Variants in PTTG1IP2 observed in about 807,000 individuals in gnomAD.
PTTG1IP2 encodes PTTG1IP family member 2.
At chr7:90,472,174 G>T (rs773844152) in intron 1 of PTTG1IP2, among the ~76,000 whole-genome samples, 20 of 151,982 alleles carry the variant, frequency 1.3e-4, no homozygotes, top group Admixed American at 3.3e-4. Context: ...CAAATGGAAG[G>T]TCTGAACAGA....
At chr7:90,507,060 G>C (rs1798132288) in intron 6 of PTTG1IP2, among the ~76,000 whole-genome samples, 1 of 152,116 alleles carries the variant, frequency 6.6e-6, no homozygotes, top group African/African-American at 2.4e-5. Context: ...TCAATATCAA[G>C]ATCACTTTGA....
chr7:90,474,082 A>G (rs556987153), intron 1 of PTTG1IP2, among the ~76,000 whole-genome samples: 1 of 152,308 alleles, frequency 6.6e-6, no homozygotes, highest in South Asian at 2.1e-4. Context: ...GTGTACTTAC[A>G]CAAACCTAGA....
intron 6 of PTTG1IP2, among the ~76,000 whole-genome samples, chr7:90,510,823 T>C (rs1364400973): frequency 6.6e-6 from 1 of 152,226 alleles, no homozygotes; most frequent in East Asian, 1.9e-4. Flanking sequence ...AATAACTGTG[T>C]TGCAGCTTTT....
intron 6 of PTTG1IP2, among the ~76,000 whole-genome samples, chr7:90,501,617 C>T (rs1160820839): frequency 1.3e-5 from 2 of 152,192 alleles, no homozygotes; most frequent in Non-Finnish European, 2.9e-5. Flanking sequence ...CTGCAGTGAG[C>T]TCTGATCCTC....
In PTTG1IP2 at chr7:90,499,273, T is replaced by C. The variant is rs779654157; in HGVS notation, c.*50+4843T>C. 2.1e-4 allele frequency among the ~76,000 whole-genome samples: 32 copies of C among 152,358 alleles called. 1 individual carries two copies. Among genetic ancestry groups the C allele is most frequent in the Middle Eastern group, 3.4e-3 (1 of 294 alleles). The stretch of plus-strand genomic sequence containing the variant: ...CTGGAAAAGATAATGAGTCTAGAGT[T>C]TGCAGAAGTACTGCATGCAACGGAA... On this transcript the variant is annotated intron_variant, in intron 6 of 6. Coordinates refer to ENST00000509356, the MANE Select transcript of PTTG1IP2 (RefSeq NM_001365443.2).
intron 2 of PTTG1IP2, among the ~76,000 whole-genome samples, chr7:90,482,193 A>T (rs1261448106): frequency 1.3e-5 from 2 of 152,110 alleles, no homozygotes; most frequent in East Asian, 3.9e-4. Flanking sequence ...AGTTTATAAG[A>T]TGGTAACTCA....
rs543313181 is a variant in PTTG1IP2 at position 90,509,171 on chromosome 7, C to T, written c.*51-4107C>T. On this transcript the variant is annotated intron_variant, in intron 6 of 6. Transcript: ENST00000509356. ...ATAATCAGATTTGTAAGGAAACATA[C>T]CTTGATGGTGTTATTGGGGGGATGG... Among the ~76,000 whole-genome samples, 4 of 145,334 alleles carry T rather than the reference C, an allele frequency of 2.8e-5. No homozygotes were observed. In the East Asian group the frequency reaches 8.1e-4, roughly 29 times the overall value.
At chr7:90,494,914 G>A (rs1797976005) in intron 6 of PTTG1IP2, among the ~76,000 whole-genome samples, 1 of 152,158 alleles carries the variant, frequency 6.6e-6, no homozygotes, top group Non-Finnish European at 1.5e-5. Flanking sequence ...GGAGGCTGAG[G>A]TGGGAGGATT....
rs551522359 is a variant in PTTG1IP2, at chr7:90,494,887, G to T, written c.*50+457G>T. On this transcript the variant is annotated intron_variant, in intron 6 of 6. Coordinates refer to ENST00000509356, the MANE Select transcript of PTTG1IP2 (RefSeq NM_001365443.2). ...TAGCTGGGCATGGTTGCATGTGCCT[G>T]TAGTCCCAGCTCCTCAGGAGGCTGA... 2.6e-5 allele frequency among the ~76,000 whole-genome samples: 4 copies of T among 152,270 alleles called. No homozygotes were observed. In the South Asian group the frequency reaches 8.3e-4, roughly 32 times the overall value.
intron 6 of PTTG1IP2, among the ~76,000 whole-genome samples, chr7:90,498,171 G>A (rs1043766981): frequency 2.8e-4 from 42 of 152,050 alleles, no homozygotes; most frequent in East Asian, 3.9e-4. Context: ...GACTACAGGC[G>A]CCCGCCACCA....
intron 4 of PTTG1IP2, among the ~76,000 whole-genome samples, chr7:90,490,909 C>G (rs1053754985): frequency 2.6e-5 from 4 of 152,144 alleles, no homozygotes; most frequent in African/African-American, 9.7e-5. Context: ...TGGTTTAACT[C>G]TGCTGTATAT....
At chr7:90,512,745 G>A (rs1363729835) in intron 6 of PTTG1IP2, among the ~76,000 whole-genome samples, 1 of 152,224 alleles carries the variant, frequency 6.6e-6, no homozygotes, top group East Asian at 1.9e-4. Flanking sequence ...CTGTTGAAAT[G>A]GAGGAGTTGC....
intron 1 of PTTG1IP2, among the ~76,000 whole-genome samples, chr7:90,474,929 A>G (rs1490205834): frequency 2.0e-5 from 3 of 152,238 alleles, no homozygotes; most frequent in Non-Finnish European, 4.4e-5. Context: ...ATTCCAAAGG[A>G]AATGACTAAG....
intron 1 of PTTG1IP2, among the ~76,000 whole-genome samples, chr7:90,475,678 G>C (rs1317477960): frequency 6.6e-6 from 1 of 152,080 alleles, no homozygotes; most frequent in African/African-American, 2.4e-5. Context: ...AAATATCTTT[G>C]GGCCAGGCGT....
At chr7:90,505,990 CAAAAAAAAAAAAAAAAAA>C (rs59521168) in intron 6 of PTTG1IP2, among the ~76,000 whole-genome samples, 5,897 of 77,976 alleles carry the variant, frequency 0.076, 363 homozygotes, top group East Asian at 0.25. Flanking sequence ...GACTCCGTCT[CAAAAAAAAAAAAAAAAAA>C]AAAAAAAAAA....
intron 6 of PTTG1IP2, among the ~76,000 whole-genome samples, chr7:90,501,457 C>T (rs1798060475): frequency 6.6e-6 from 1 of 152,082 alleles, no homozygotes; most frequent in Admixed American, 6.5e-5. Context: ...CACTTGAGAC[C>T]AGGAATTTGA....
chr7:90,481,035 G>T (rs1473594811), intron 2 of PTTG1IP2, among the ~76,000 whole-genome samples: 1 of 152,066 alleles, frequency 6.6e-6, no homozygotes, highest in African/African-American at 2.4e-5. Context: ...TTAATTTTTT[G>T]GTAGGAATGC....
At chr7:90,504,980 T>C (rs911155990) in intron 6 of PTTG1IP2, among the ~76,000 whole-genome samples, 2 of 152,202 alleles carry the variant, frequency 1.3e-5, no homozygotes, top group Non-Finnish European at 2.9e-5. Flanking sequence ...CCACATGGTT[T>C]TGCCAAACAT....
At chr7:90,485,849 T>C (rs1797869586) in intron 2 of PTTG1IP2, among the ~76,000 whole-genome samples, 1 of 152,182 alleles carries the variant, frequency 6.6e-6, no homozygotes, top group African/African-American at 2.4e-5. Flanking sequence ...CTTAAAACCC[T>C]GCTAGATCTT....
Sources: allele counts gnomAD v4.1 joint callset (sites outside exome capture counted in the v4.1 genomes callset), GRCh38; gene constraint gnomAD v4.1.1; transcripts MANE v1.5; gene names NCBI Gene and HGNC (gene_info 2026-07-23, HGNC 2026-07-21).